MKRN2OS: variants seen among roughly 807,000 people sequenced by gnomAD.
MKRN2OS encodes MKRN2 opposite strand protein.
Under a neutral mutation model 18.2 loss-of-function variants are expected in MKRN2OS, and 17 were observed. The ratio of observed to expected loss-of-function variants is 0.93; its 90% CI spans 0.64 to 1.40. The LOEUF (loss-of-function observed/expected upper bound fraction) is 1.40, where lower values mean the gene tolerates loss of function less well. Ranked by LOEUF, MKRN2OS falls within the 40% of genes most tolerant of loss-of-function variation. MKRN2OS has a pLI of 0.00. For missense variants in MKRN2OS, 337 were observed against 283.0 expected (o/e 1.19, Z -1.37); for synonymous variants, 121 against 108.5 (o/e 1.12, Z -0.72).
intron 1 of MKRN2OS, chr3:12,556,917 G>T: frequency 2.5e-6 from 1 of 405,104 alleles, no homozygotes; most frequent in Non-Finnish European, 4.3e-6. Context: ...GGAAGTGCGG[G>T]ACACCGAGAG....
intron 1 of MKRN2OS, among the ~76,000 whole-genome samples, chr3:12,544,261 T>TA (rs1293226196): frequency 6.6e-6 from 1 of 152,192 alleles, no homozygotes; most frequent in Non-Finnish European, 1.5e-5. Context: ...AGACTAATGA[T>TA]ACGCAGGAGC....
chr3:12,557,165 G>A (rs1174561867), intron 1 of MKRN2OS: 4 of 1,536,940 alleles, frequency 2.6e-6, no homozygotes, highest in Non-Finnish European at 3.5e-6. Flanking sequence ...GCACCAAGCA[G>A]ATCACTTGCA....
At chr3:12,544,348 C>A (rs1171015901) in intron 1 of MKRN2OS, among the ~76,000 whole-genome samples, 1 of 152,086 alleles carries the variant, frequency 6.6e-6, no homozygotes, top group East Asian at 1.9e-4. Context: ...CTGGGCCGAT[C>A]CTAATCCTAT....
chr3:12,551,039 G>T (rs2057925754), downstream of MKRN2OS, among the ~76,000 whole-genome samples: 1 of 151,658 alleles, frequency 6.6e-6, no homozygotes, highest in East Asian at 1.9e-4. Context: ...TCCACCCATC[G>T]GTGGGACATG....
At chr3:12,550,719 C>T (rs1466371633), downstream of MKRN2OS, among the ~76,000 whole-genome samples, 2 of 152,162 alleles carry the variant, frequency 1.3e-5, no homozygotes, top group African/African-American at 4.8e-5. Context: ...GCCCCTCAGT[C>T]GAATTCTTTC....
Position 12,541,909 on chromosome 3 carries a change from C to G in MKRN2OS, c.382G>C (p.Asp128His), listed in dbSNP as rs1318725806. 6.5e-7 allele frequency: 1 copy of G among 1,536,070 alleles called. No individual in the cohort carries two copies. Among genetic ancestry groups the G allele is most frequent in the Non-Finnish European group, 8.7e-7 (1 of 1,146,882 alleles). Residue 128 changes from aspartate to histidine, a missense_variant, in exon 3 of 4, where the codon GAC becomes CAC. Transcript: ENST00000564146. ...GTGGAGAAGTCTTCCAGGTACTTGTCCCATTGCTCCATCATTCCATACATG... is the reference window on the plus strand; with the variant it reads ...GTGGAGAAGTCTTCCAGGTACTTGTGCCATTGCTCCATCATTCCATACATG... ...PNMYGMMEQW[D>H]KYLEDFSTSG... is the part of the protein sequence containing the mutation.
At chr3:12,547,931 C>T (rs1235874866), upstream of MKRN2OS, among the ~76,000 whole-genome samples, 2 of 152,194 alleles carry the variant, frequency 1.3e-5, no homozygotes, top group African/African-American at 4.8e-5. Flanking sequence ...AACCAACCTT[C>T]TCTTGTTACA....
At chr3:12,548,875 CAT>C (rs1366620083), upstream of MKRN2OS, among the ~76,000 whole-genome samples, 1 of 151,978 alleles carries the variant, frequency 6.6e-6, no homozygotes, top group African/African-American at 2.4e-5. Context: ...TAAAATAAAA[CAT>C]AGACACAGAA....
chr3:12,541,747 G>T (rs1465846664), intron 3 of MKRN2OS, 113 bp downstream of exon 3: 10 of 1,116,504 alleles, frequency 9.0e-6, no homozygotes, highest in African/African-American at 1.6e-5. Flanking sequence ...TGTCTGTATC[G>T]GCTCAACATG....
chr3:12,547,171 C>T (rs1416320842), upstream of MKRN2OS, among the ~76,000 whole-genome samples: 1 of 152,086 alleles, frequency 6.6e-6, no homozygotes, highest in Non-Finnish European at 1.5e-5. Flanking sequence ...AAAAGTAATG[C>T]CCCTTGTTTC....
chr3:12,559,480 G>A (rs1316766221), intron 1 of MKRN2OS, among the ~76,000 whole-genome samples: 1 of 152,012 alleles, frequency 6.6e-6, no homozygotes, highest in African/African-American at 2.4e-5. Context: ...TTTTAGGTTT[G>A]TTTTCCTGAC....
chr3:12,543,494 C>T (rs1575503866), intron 1 of MKRN2OS, among the ~76,000 whole-genome samples: 1 of 152,020 alleles, frequency 6.6e-6, no homozygotes. Context: ...GGTTGAGGCA[C>T]AAGAATAGCT....
chr3:12,548,655 A>T (rs2057906541), upstream of MKRN2OS, among the ~76,000 whole-genome samples: 2 of 152,056 alleles, frequency 1.3e-5, no homozygotes, highest in Admixed American at 6.5e-5. Flanking sequence ...AATAAACCAC[A>T]TGGTATTGTT....
intron 1 of MKRN2OS, among the ~76,000 whole-genome samples, chr3:12,559,431 T>C (rs1183695451): frequency 6.6e-6 from 1 of 152,182 alleles, no homozygotes; most frequent in African/African-American, 2.4e-5. Flanking sequence ...TTGTGGGTTT[T>C]GTTTGTTTTT....
chr3:12,557,574 TAGG>T (rs760571210), intron 1 of MKRN2OS, among the ~76,000 whole-genome samples: 1 of 152,224 alleles, frequency 6.6e-6, no homozygotes, highest in Non-Finnish European at 1.5e-5. Context: ...GGATACCACA[TAGG>T]AGTAATTTGT....
At chr3:12,557,153 G>T (rs1470328530) in intron 1 of MKRN2OS, 4 of 1,528,864 alleles carry the variant, frequency 2.6e-6, no homozygotes, top group African/African-American at 1.4e-5. Context: ...CAGCCACCAT[G>T]AGCACCAAGC....
At chr3:12,550,385 C>G (rs2057921131), upstream of MKRN2OS, among the ~76,000 whole-genome samples, 1 of 152,098 alleles carries the variant, frequency 6.6e-6, no homozygotes. Context: ...GTGGAAAAGG[C>G]AAAACTGCTG....
downstream of MKRN2OS, among the ~76,000 whole-genome samples, chr3:12,550,523 G>A (rs2057922022): frequency 6.6e-6 from 1 of 152,092 alleles, no homozygotes; most frequent in African/African-American, 2.4e-5. Context: ...AGTAAGCCTG[G>A]GCAAAATAGC....
chr3:12,553,635 T>A (rs1287621593), downstream of MKRN2OS: 1 of 152,144 alleles, frequency 6.6e-6, no homozygotes, highest in Non-Finnish European at 1.5e-5. Flanking sequence ...CTATTACTAC[T>A]TCTCTTTAAC....
Sources: allele counts gnomAD v4.1 joint callset (sites outside exome capture counted in the v4.1 genomes callset), GRCh38; gene constraint gnomAD v4.1.1; transcripts MANE v1.5; gene names NCBI Gene and HGNC (gene_info 2026-07-23, HGNC 2026-07-21).